Variants in RCBTB1 observed in about 807,000 individuals in gnomAD.
RCBTB1 encodes RCC1 and BTB domain-containing protein 1.
Under a neutral mutation model 62.4 loss-of-function variants are expected in RCBTB1, and 46 were observed. The ratio of observed to expected loss-of-function variants is 0.74; its 90% CI spans 0.58 to 0.94. RCBTB1 has a LOEUF of 0.94. Among genes scored for constraint, RCBTB1 ranks in the 40% least tolerant of loss-of-function variants. RCBTB1 has a pLI of 0.00. For missense variants in RCBTB1, 565 were observed against 654.9 expected, an observed-to-expected ratio of 0.86 and a Z score of 1.50; for synonymous variants, 222 against 245.8, an observed-to-expected ratio of 0.90 and a Z score of 0.91.
Position 49,566,735 on chromosome 13 carries a change from GA to G in RCBTB1, c.159del (p.Leu54Ter). On this transcript the variant is annotated frameshift_variant, in exon 4 of 13. Coordinates refer to ENST00000378302, the MANE Select transcript of RCBTB1 (RefSeq NM_018191.4). LOFTEE classifies it high-confidence loss of function. The part of the protein sequence containing the change: ...VFVFGLNYSN[C>X]LGTGDNQSTL... ...GTACTCTGGTTATCTCCAGTTCCTA[GA>G]CAGTTACTATAGTTCAGTCCAAATA... is the stretch of plus-strand genomic sequence containing the variant. The G allele has an allele frequency of 6.2e-7, 1 of 1,613,860 alleles. No individual in the cohort carries two copies. Among genetic ancestry groups the G allele is most frequent in the Non-Finnish European group, 8.5e-7 (1 of 1,179,876 alleles).
chr13:49,567,722 C>T (rs1566259935), intron 2 of RCBTB1, among the ~76,000 whole-genome samples: 2 of 152,166 alleles, frequency 1.3e-5, no homozygotes, highest in Non-Finnish European at 2.9e-5. Flanking sequence ...AAAGCCTTGT[C>T]CCCACCCACC....
At chr13:49,577,435 A>C (rs1327705798) in intron 2 of RCBTB1, among the ~76,000 whole-genome samples, 1 of 152,252 alleles carries the variant, frequency 6.6e-6, no homozygotes, top group Admixed American at 6.5e-5. Flanking sequence ...TCTCAATATT[A>C]AACAACAGTG....
chr13:49,544,835 C>T lies in RCBTB1; in HGVS notation c.1074G>A (p.Glu358=). The change falls in exon 10 of 13, where the codon GAG becomes GAA. Residue 358 remains glutamate, a synonymous_variant. Coordinates refer to ENST00000378302, the MANE Select transcript of RCBTB1 (RefSeq NM_018191.4). The part of the protein sequence containing the change: ...VEHEDFLTVA[E]SLKKEFDSPE... Reference sequence around the variant, plus strand: ...GACTATCAAATTCTTTCTTCAGTGACTCTGCAACTGTTAAAAAGTCTTCAT... The same window carrying T: ...GACTATCAAATTCTTTCTTCAGTGATTCTGCAACTGTTAAAAAGTCTTCAT... The T allele has an allele frequency of 6.2e-7, 1 of 1,612,014 alleles. No homozygotes were observed. Among genetic ancestry groups the T allele is most frequent in the Non-Finnish European group, 8.5e-7 (1 of 1,179,202 alleles).
intron 10 of RCBTB1, among the ~76,000 whole-genome samples, chr13:49,543,702 C>CT (rs201207676): frequency 1.3e-5 from 2 of 151,604 alleles, no homozygotes; most frequent in African/African-American, 4.8e-5. Flanking sequence ...ATCTTAAAAA[C>CT]TTTTTTTTTC....
intron 12 of RCBTB1, among the ~76,000 whole-genome samples, chr13:49,537,301 A>G (rs767098589): frequency 6.6e-6 from 1 of 152,230 alleles, no homozygotes; most frequent in Non-Finnish European, 1.5e-5. Flanking sequence ...TCCAAATCAA[A>G]GAAGTTTTGT....
Position 49,555,521 on chromosome 13 carries a change from A to G in RCBTB1, c.597T>C (p.Asn199=), listed in dbSNP as rs1566238208. Residue 199 remains asparagine, a synonymous_variant, in exon 6 of 13, where the codon AAT becomes AAC. Coordinates refer to ENST00000378302, the MANE Select transcript of RCBTB1 (RefSeq NM_018191.4). ...GGGAGTGGAGACACCTCACCTCGCC[A>G]TTGTCCAGAACAGCCATGGATGAAG... is the stretch of plus-strand genomic sequence containing the variant. ...GQTSSMAVLD[N]GEVYGWGYNG... is the part of the protein sequence containing the mutation. The G allele has an allele frequency of 1.9e-6, 3 of 1,613,786 alleles. No homozygotes were observed. Among genetic ancestry groups the G allele is most frequent in the Middle Eastern group, 1.6e-4 (1 of 6,062 alleles).
At chr13:49,557,810 A>T (rs1474029717) in intron 5 of RCBTB1, among the ~76,000 whole-genome samples, 1 of 152,172 alleles carries the variant, frequency 6.6e-6, no homozygotes, top group African/African-American at 2.4e-5. Context: ...CAAAAGTGTA[A>T]TCTTGATTAT....
chr13:49,544,220 A>G (rs1164684295), intron 10 of RCBTB1, among the ~76,000 whole-genome samples: 1 of 152,236 alleles, frequency 6.6e-6, no homozygotes, highest in Admixed American at 6.5e-5. Context: ...CTGTAATGCC[A>G]GCACTTTGGG....
chr13:49,546,153 A>C (rs752008508), intron 9 of RCBTB1: 69 of 985,322 alleles, frequency 7.0e-5, no homozygotes, highest in East Asian at 1.1e-4. Context: ...CCAAAAAAAA[A>C]CCCACTTCTC....
intron 5 of RCBTB1, 151 bp downstream of exon 5, chr13:49,559,767 G>T: frequency 1.6e-6 from 1 of 631,282 alleles, no homozygotes; most frequent in Non-Finnish European, 2.6e-6. Context: ...AGTTCTGTGG[G>T]TGCATGCTGG....
chr13:49,543,786 A>G (rs575125365), intron 10 of RCBTB1, among the ~76,000 whole-genome samples: 11 of 152,354 alleles, frequency 7.2e-5, no homozygotes, highest in African/African-American at 2.6e-4. Context: ...ACTGGGCTCA[A>G]GCAATCCTTC....
At chr13:49,558,448 T>G (rs1478219574) in intron 5 of RCBTB1, among the ~76,000 whole-genome samples, 7 of 152,018 alleles carry the variant, frequency 4.6e-5, no homozygotes, top group African/African-American at 1.7e-4. Flanking sequence ...TCCCAGCACT[T>G]TGGGAGGCCG....
chr13:49,547,275 CT>C (rs1242017055), intron 9 of RCBTB1: 4 of 920,416 alleles, frequency 4.3e-6, no homozygotes, highest in Non-Finnish European at 5.9e-6. Context: ...TTAACTCTTC[CT>C]AAGCACCCTT....
chr13:49,538,344 T>C (rs1960083420), intron 12 of RCBTB1, among the ~76,000 whole-genome samples: 1 of 152,184 alleles, frequency 6.6e-6, no homozygotes, highest in African/African-American at 2.4e-5. Flanking sequence ...CACTGTATCT[T>C]GTAGCATTCA....
At chr13:49,538,497 G>A (rs1224120647) in intron 12 of RCBTB1, among the ~76,000 whole-genome samples, 1 of 152,136 alleles carries the variant, frequency 6.6e-6, no homozygotes, top group Non-Finnish European at 1.5e-5. Context: ...GGACACTTGA[G>A]CCCAGAAGTT....
At chr13:49,559,103 T>A (rs995114044) in intron 5 of RCBTB1, among the ~76,000 whole-genome samples, 2 of 152,270 alleles carry the variant, frequency 1.3e-5, no homozygotes, top group African/African-American at 2.4e-5. Flanking sequence ...ATGGTAAAAC[T>A]GGTTTCATTA....
intron 5 of RCBTB1, among the ~76,000 whole-genome samples, chr13:49,557,186 C>G (rs1961992624): frequency 6.6e-6 from 1 of 152,134 alleles, no homozygotes. Flanking sequence ...ACAGTATGAT[C>G]TAATCTGTGT....
At chr13:49,553,597 G>A (rs1419260858) in intron 6 of RCBTB1, among the ~76,000 whole-genome samples, 1 of 152,202 alleles carries the variant, frequency 6.6e-6, no homozygotes, top group East Asian at 1.9e-4. Context: ...AAAAAGTACT[G>A]ACCAGGAACA....
intron 12 of RCBTB1, among the ~76,000 whole-genome samples, chr13:49,534,626 T>C (rs1409883367): frequency 2.0e-5 from 3 of 152,242 alleles, no homozygotes; most frequent in Non-Finnish European, 4.4e-5. Context: ...CACTTTAGTC[T>C]GCAGAATGTG....
Sources: gnomAD v4.1 joint callset for allele counts (sites outside exome capture counted in the v4.1 genomes callset) on GRCh38, gnomAD v4.1.1 for gene constraint, MANE v1.5 for transcripts, NCBI Gene and HGNC (gene_info 2026-07-23, HGNC 2026-07-21) for gene names.